Variants in LIMA1 observed in about 807,000 individuals in gnomAD.
LIMA1 encodes LIM domain and actin-binding protein 1.
Under a neutral mutation model 62.6 loss-of-function variants are expected in LIMA1, and 52 were observed. The ratio of observed to expected loss-of-function variants is 0.83; its 90% CI spans 0.67 to 1.05. The LOEUF (loss-of-function observed/expected upper bound fraction) is 1.05, where lower values mean the gene tolerates loss of function less well. Ranked by LOEUF, LIMA1 falls within the 50% of genes least tolerant of loss-of-function variation. The pLI, the probability that LIMA1 is intolerant of heterozygous loss-of-function variation, is 0.00. For synonymous variants in LIMA1, 302 were observed against 317.8 expected (o/e 0.95, Z 0.53); for missense variants, 780 against 902.2 (o/e 0.86, Z 1.74).
At chr12:50,205,668 C>T (rs1257041507) in intron 5 of LIMA1, among the ~76,000 whole-genome samples, 1 of 151,696 alleles carries the variant, frequency 6.6e-6, no homozygotes, top group Non-Finnish European at 1.5e-5. Context: ...TATAGCTCCT[C>T]AAAGTACCCT....
chr12:50,229,801 G>T (rs1217429311), intron 3 of LIMA1: 1 of 152,200 alleles, frequency 6.6e-6, no homozygotes, highest in Non-Finnish European at 1.5e-5. Context: ...TCTTTACAAT[G>T]ACACCATTTG....
intron 3 of LIMA1, chr12:50,224,493 T>C (rs1304689089): frequency 1.3e-5 from 2 of 152,168 alleles, no homozygotes; most frequent in Admixed American, 1.3e-4. Context: ...CCAGCAGCAC[T>C]CTTGGCTCTG....
Position 50,178,057 on chromosome 12 carries a change from A to G in LIMA1, c.1287T>C (p.Tyr429=). The G allele has an allele frequency of 2.0e-6, 3 of 1,527,318 alleles. No individual in the cohort carries two copies. The highest frequency in any genetic ancestry group is 1.4e-5 in the African/African-American group (1 of 71,756). 94.6% of individuals were successfully genotyped at this position (1,527,318 alleles called of 1,614,324 possible). A position where few individuals can be genotyped will look rare whatever the true frequency, so the allele number is the denominator to read the frequency against. The change falls in exon 11 of 11, where the codon TAT becomes TAC. Residue 429 remains tyrosine, a synonymous_variant. Transcript: ENST00000341247. ...YCNNKLSLGT[Y]ASLHGRIYCK... is the part of the protein sequence containing the mutation. ...AATAGATTCTTCCATGTAAAGATGC[A>G]TATGTTCCTAGACTGTCATTAAAAG...
intron 3 of LIMA1, among the ~76,000 whole-genome samples, chr12:50,228,927 GC>G (rs1243963375): frequency 3.3e-5 from 5 of 152,030 alleles, no homozygotes; most frequent in Non-Finnish European, 7.4e-5. Flanking sequence ...CTGCTATATT[GC>G]CCAGGCTGAT....
chr12:50,222,699 G>T, intron 3 of LIMA1: 1 of 1,470,588 alleles, frequency 6.8e-7, no homozygotes. Context: ...AGGAGCTGAA[G>T]CAGGAAGTGA....
At chr12:50,250,290 CAAAAAAA>C (rs11327744) in intron 1 of LIMA1, among the ~76,000 whole-genome samples, 2 of 64,616 alleles carry the variant, frequency 3.1e-5, no homozygotes, top group Admixed American at 4.1e-4. Context: ...AACTCCGTTT[CAAAAAAA>C]AAAAAAAAAA....
At chr12:50,180,397 C>T (rs966927175) in intron 10 of LIMA1, among the ~76,000 whole-genome samples, 1 of 151,964 alleles carries the variant, frequency 6.6e-6, no homozygotes, top group Non-Finnish European at 1.5e-5. Context: ...ATCGCTTGAA[C>T]CTGGGAGACA....
chr12:50,221,383 CG>C (rs1193367322), intron 4 of LIMA1, among the ~76,000 whole-genome samples: 1 of 152,146 alleles, frequency 6.6e-6, no homozygotes, highest in Non-Finnish European at 1.5e-5. Flanking sequence ...CCTCTGGGGA[CG>C]AGGTCTGCAA....
rs189914657 is a variant in LIMA1, at chr12:50,204,046, T to C, written c.864+506A>G. On this transcript the variant is annotated intron_variant, in intron 6 of 10. Coordinates refer to ENST00000341247, the MANE Select transcript of LIMA1 (RefSeq NM_016357.5). Reference sequence around the variant, plus strand: ...TGTGAATATGCTAAGTATCACAAGATTGTATACTTTAAAATGGTGATTTTA... The same window carrying C: ...TGTGAATATGCTAAGTATCACAAGACTGTATACTTTAAAATGGTGATTTTA... 4.6e-3 allele frequency among the ~76,000 whole-genome samples: 708 copies of C among 152,266 alleles called. 5 individuals carry two copies. Among genetic ancestry groups the C allele is most frequent in the Non-Finnish European group, 5.7e-3 (388 of 68,012 alleles).
At chr12:50,243,399 T>C (rs1941805207) in intron 2 of LIMA1, among the ~76,000 whole-genome samples, 1 of 152,218 alleles carries the variant, frequency 6.6e-6, no homozygotes. Flanking sequence ...CACTAGGTGT[T>C]GGAAACAGAC....
At chr12:50,258,796 C>T (rs7974347) in intron 1 of LIMA1, among the ~76,000 whole-genome samples, 2,100 of 151,792 alleles carry the variant, frequency 0.014, 45 homozygotes, top group African/African-American at 0.048. Flanking sequence ...CGCAGGCATG[C>T]GCCACCACAC....
intron 2 of LIMA1, among the ~76,000 whole-genome samples, chr12:50,235,058 A>C (rs1001559131): frequency 5.3e-5 from 8 of 152,014 alleles, no homozygotes; most frequent in Admixed American, 1.3e-4. Flanking sequence ...TCAGCCTTGC[A>C]AGAAGCTGGG....
chr12:50,240,003 TAACA>T (rs1941751653), intron 2 of LIMA1, among the ~76,000 whole-genome samples: 1 of 122,658 alleles, frequency 8.2e-6, no homozygotes, highest in Non-Finnish European at 1.7e-5. Context: ...CAAAATAACA[TAACA>T]TAACATAACA....
chr12:50,205,321 T>A (rs984888905), intron 5 of LIMA1, among the ~76,000 whole-genome samples: 1 of 151,644 alleles, frequency 6.6e-6, no homozygotes, highest in African/African-American at 2.4e-5. Flanking sequence ...GGTCCTCCTG[T>A]CTCAGCCTCC....
intron 1 of LIMA1, among the ~76,000 whole-genome samples, chr12:50,258,380 C>T (rs1942024666): frequency 6.6e-6 from 1 of 152,058 alleles, no homozygotes; most frequent in African/African-American, 2.4e-5. Context: ...CTCACTGCAG[C>T]CTACCTCCTG....
At position 50,177,544 on chromosome 12, in the gene LIMA1, G is replaced by A. The variant is rs1360118260; in HGVS notation, c.1800C>T (p.Thr600=). The A allele has an allele frequency of 6.2e-7, 1 of 1,611,466 alleles. No homozygotes were observed. Among genetic ancestry groups the A allele is most frequent in the African/African-American group, 1.3e-5 (1 of 74,704 alleles). ...ACACAGTTTTTGGGCTCTTGACAGA[G>A]GTGCTTTGAAATGAAGCTGCTACAG... ...PFTVAASFQS[T]SVKSPKTVSP... The change falls in exon 11 of 11, where the codon ACC becomes ACT. Residue 600 remains threonine, a synonymous_variant. Coordinates refer to ENST00000341247, the MANE Select transcript of LIMA1 (RefSeq NM_016357.5).
intron 1 of LIMA1, among the ~76,000 whole-genome samples, chr12:50,249,463 AATT>A (rs890904345): frequency 2.0e-5 from 3 of 152,220 alleles, no homozygotes; most frequent in African/African-American, 7.2e-5. Flanking sequence ...TTTTAAGTAT[AATT>A]ATTATCATTG....
rs1941461194 is a variant in LIMA1, at chr12:50,222,456, TCTA to T, written c.192_194del (p.Phe64_Arg65delinsLeu). 1 of 1,613,998 alleles carries T rather than the reference TCTA, an allele frequency of 6.2e-7. No individual in the cohort carries two copies. Among genetic ancestry groups the T allele is most frequent in the Non-Finnish European group, 8.5e-7 (1 of 1,180,006 alleles). On this transcript the variant is annotated inframe_deletion, in exon 4 of 11. Coordinates refer to ENST00000341247, the MANE Select transcript of LIMA1 (RefSeq NM_016357.5). ...TCTTTAACACAGTCAGGGTCCCCTTTCTAAAGTGCTGGGAGAGATTTTCGGTGT... is the reference window on the plus strand; with the variant it reads ...TCTTTAACACAGTCAGGGTCCCCTTTAAGTGCTGGGAGAGATTTTCGGTGT...
chr12:50,206,219 C>G (rs1941150670), intron 4 of LIMA1, 151 bp from the exon 5 acceptor site: 1 of 555,630 alleles, frequency 1.8e-6, no homozygotes, highest in Non-Finnish European at 3.1e-6. Flanking sequence ...AAATATCAAG[C>G]ACTACACATT....
Sources: allele counts gnomAD v4.1 joint callset (sites outside exome capture counted in the v4.1 genomes callset), GRCh38; gene constraint gnomAD v4.1.1; transcripts MANE v1.5; gene names NCBI Gene and HGNC (gene_info 2026-07-23, HGNC 2026-07-21).